Variants in ACSF3 observed in about 807,000 individuals in gnomAD.
The protein encoded by ACSF3 is acyl-CoA synthetase family member 3.
In ACSF3, 78 loss-of-function variants were observed where a neutral mutation model predicts 53.2. That is an observed-to-expected ratio of 1.47 (90% CI 1.22 to 1.77). The LOEUF is 1.77. ACSF3 is among the 40% of genes most tolerant of loss of function. ACSF3 has a pLI of 0.00. For missense variants in ACSF3, 937 were observed against 771.1 expected, an observed-to-expected ratio of 1.22 and a Z score of -2.55; for synonymous variants, 414 against 333.1, an observed-to-expected ratio of 1.24 and a Z score of -2.65.
chr16:89,117,044 A>G (rs942789363), intron 6 of ACSF3, among the ~76,000 whole-genome samples: 2 of 152,106 alleles, frequency 1.3e-5, no homozygotes, highest in Non-Finnish European at 2.9e-5. Flanking sequence ...CGTAATATGG[A>G]CGGAATGAGC....
Position 89,120,806 on chromosome 16 carries a change from G to T in ACSF3, c.1132G>T (p.Val378Leu), listed in dbSNP as rs369854705. ...LTTAVRLPGS[V>L]GTPLPGVQVR... is the part of the protein sequence containing the mutation. Reference sequence around the variant, plus strand: ...GTGTTTCTCCTCTCCTGTAGGTTCCGTGGGGACCCCACTGCCTGGAGTACA... The same window carrying T: ...GTGTTTCTCCTCTCCTGTAGGTTCCTTGGGGACCCCACTGCCTGGAGTACA... Residue 378 changes from valine to leucine, a missense_variant, in exon 7 of 11, where the codon GTG becomes TTG. By Grantham distance (32) the Val-to-Leu change is conservative (BLOSUM62 1). Coordinates refer to ENST00000614302, the MANE Select transcript of ACSF3 (RefSeq NM_001243279.3). 3 of 1,613,972 alleles carry T rather than the reference G, an allele frequency of 1.9e-6. No individual in the cohort carries two copies. The highest frequency in any genetic ancestry group is 1.1e-5 in the South Asian group (1 of 91,092).
rs368192538 is a variant in ACSF3 at position 89,101,071 on chromosome 16, C to G, written c.390C>G (p.Pro130=). 6 of 1,614,030 alleles carry G rather than the reference C, an allele frequency of 3.7e-6. No homozygotes were observed. The highest frequency in any genetic ancestry group is 1.1e-5 in the South Asian group (1 of 91,080). ...CAGTCCCCCTCTACAGGAAGCATCC[C>G]GCGGCCCAGCTGGAGTATGTCATCT... ...GVAVPLYRKH[P]AAQLEYVICD... Residue 130 remains proline (P), a synonymous_variant, in exon 3 of 11, where the codon CCC becomes CCG. Transcript: ENST00000614302.
At chr16:89,146,200 C>T (rs943479465) in intron 10 of ACSF3, 151 bp downstream of exon 10, 4 of 625,956 alleles carry the variant, frequency 6.4e-6, no homozygotes, top group East Asian at 2.7e-5. Context: ...ACCTGAAGGC[C>T]GCACACAGCA....
At chr16:89,142,018 T>A (rs929516887) in intron 8 of ACSF3, among the ~76,000 whole-genome samples, 12 of 152,166 alleles carry the variant, frequency 7.9e-5, no homozygotes, top group African/African-American at 2.9e-4. Flanking sequence ...CAGGTATAGC[T>A]GCCACTTTCT....
At chr16:89,095,326 G>A (rs1417189337) in intron 1 of ACSF3, 1 of 151,992 alleles carries the variant, frequency 6.6e-6, no homozygotes, top group African/African-American at 2.4e-5. Context: ...TTTCCAGATG[G>A]CATTTTTAAA....
intron 8 of ACSF3, among the ~76,000 whole-genome samples, chr16:89,134,125 G>T (rs1368099714): frequency 6.6e-6 from 1 of 152,206 alleles, no homozygotes; most frequent in East Asian, 1.9e-4. Context: ...GTTACTAGGG[G>T]GTCCTTGCTC....
At chr16:89,153,264 G>T (rs1914323665) in intron 10 of ACSF3, 1 of 153,006 alleles carries the variant, frequency 6.5e-6, no homozygotes, top group African/African-American at 2.4e-5. Flanking sequence ...GGCATCACTG[G>T]TGGGCGGCAC....
intron 8 of ACSF3, among the ~76,000 whole-genome samples, chr16:89,135,754 C>T (rs1007033584): frequency 2.6e-5 from 4 of 152,348 alleles, no homozygotes; most frequent in Admixed American, 2.0e-4. Flanking sequence ...CAATCCGACT[C>T]ACGCTGCAGT....
In ACSF3 at chr16:89,156,078, T is replaced by C. The variant is rs1056429375; in HGVS notation, c.*1871T>C. On this transcript the variant is annotated 3_prime_UTR_variant, in exon 11 of 11. Transcript: ENST00000614302. ...CTAAAGTCACGAGTGACTCTCCAGC[T>C]GGTCCCTGTGCCAGGCTGGTCGGCC... Among the ~76,000 whole-genome samples, 4 of 152,158 alleles carry C rather than the reference T, an allele frequency of 2.6e-5. No individual in the cohort carries two copies. The highest frequency in any genetic ancestry group is 4.4e-5 in the Non-Finnish European group (3 of 68,008).
chr16:89,146,975 C>A (rs1459275154), intron 10 of ACSF3, among the ~76,000 whole-genome samples: 1 of 152,062 alleles, frequency 6.6e-6, no homozygotes, highest in Non-Finnish European at 1.5e-5. Flanking sequence ...ACAGTAATTT[C>A]TTTTGTTTTT....
chr16:89,098,986 C>G (rs1432773560), intron 2 of ACSF3, among the ~76,000 whole-genome samples: 3 of 152,282 alleles, frequency 2.0e-5, no homozygotes, highest in African/African-American at 7.2e-5. Flanking sequence ...GGGACGCTGT[C>G]AGACCGAGGG....
At chr16:89,108,420 T>C (rs1976276193) in intron 4 of ACSF3, among the ~76,000 whole-genome samples, 1 of 152,236 alleles carries the variant, frequency 6.6e-6, no homozygotes, top group African/African-American at 2.4e-5. Flanking sequence ...TTTGTTTCAC[T>C]GAAAATGTTT....
At chr16:89,119,510 C>T (rs1243028829) in intron 6 of ACSF3, among the ~76,000 whole-genome samples, 1 of 152,156 alleles carries the variant, frequency 6.6e-6, no homozygotes, top group Non-Finnish European at 1.5e-5. Context: ...CCGTGCCGCG[C>T]ACTGAAATGG....
At position 89,133,118 on chromosome 16, in the gene ACSF3, G is replaced by A. The variant is rs752037142; in HGVS notation, c.1240-18G>A. 1.9e-6 allele frequency: 3 copies of A among 1,613,204 alleles called. No individual in the cohort carries two copies. The African/African-American group carries it at 4.0e-5, about 22-fold the overall frequency. On this transcript the variant is annotated intron_variant, in intron 7 of 10. Coordinates refer to ENST00000614302, the MANE Select transcript of ACSF3 (RefSeq NM_001243279.3). ...GGGTGTGCCCAGCTCTGACCTCCAT[G>A]TTCTTCATCCTCCACAGGTGACCCC...
intron 8 of ACSF3, among the ~76,000 whole-genome samples, chr16:89,142,566 C>CAG (rs1258979575): frequency 3.5e-5 from 4 of 115,254 alleles, no homozygotes; most frequent in Admixed American, 1.6e-4. Flanking sequence ...CCCACACCTG[C>CAG]AGACACACCC....
At chr16:89,122,064 G>A (rs1388669885) in intron 7 of ACSF3, among the ~76,000 whole-genome samples, 1 of 125,728 alleles carries the variant, frequency 8.0e-6, no homozygotes, top group African/African-American at 2.9e-5. Flanking sequence ...CTCACCTGGG[G>A]CCACCTGCAG....
At chr16:89,142,964 G>A (rs527288455) in intron 8 of ACSF3, among the ~76,000 whole-genome samples, 4 of 152,136 alleles carry the variant, frequency 2.6e-5, no homozygotes, top group Non-Finnish European at 5.9e-5. Flanking sequence ...AAGTTATTGC[G>A]CGATCATAAT....
chr16:89,120,715 C>T, intron 6 of ACSF3, 86 bp from the exon 7 acceptor site: 2 of 1,322,382 alleles, frequency 1.5e-6, no homozygotes, highest in Non-Finnish European at 1.1e-6. Context: ...CACGGGAGCT[C>T]AGCGGGATCC....
intron 8 of ACSF3, among the ~76,000 whole-genome samples, chr16:89,142,089 C>T (rs902455875): frequency 6.6e-6 from 1 of 152,094 alleles, no homozygotes; most frequent in Admixed American, 6.5e-5. Flanking sequence ...CCCTACGGTT[C>T]TTCCCTCCGC....
Sources: allele counts gnomAD v4.1 joint callset (sites outside exome capture counted in the v4.1 genomes callset), GRCh38; gene constraint gnomAD v4.1.1; transcripts MANE v1.5; gene names NCBI Gene and HGNC (gene_info 2026-07-23, HGNC 2026-07-21).